ARSB: variants seen among roughly 807,000 people sequenced by gnomAD.
The protein encoded by ARSB is arylsulfatase B.
In ARSB, 41 loss-of-function variants were observed where a neutral mutation model predicts 50.9. That is an observed-to-expected ratio of 0.81 (90% CI 0.63 to 1.04). The LOEUF (loss-of-function observed/expected upper bound fraction) is 1.04, where lower values mean the gene tolerates loss of function less well. Ranked by LOEUF, ARSB falls within the 50% of genes least tolerant of loss-of-function variation. The pLI is 0.00. For synonymous variants in ARSB, 269 were observed against 284.8 expected, an observed-to-expected ratio of 0.94 and a Z score of 0.56; for missense variants, 672 against 693.3, an observed-to-expected ratio of 0.97 and a Z score of 0.35.
chr5:78,916,456 A>C lies in ARSB; in HGVS notation c.899-30629T>G, dbSNP rs1417501341. Among the ~76,000 whole-genome samples the C allele has an allele frequency of 2.0e-5, 3 of 152,226 alleles. No individual in the cohort carries two copies. In the East Asian group the frequency reaches 5.8e-4, roughly 29 times the overall value. On this transcript the variant is annotated intron_variant, in intron 4 of 7. Coordinates refer to ENST00000264914, the MANE Select transcript of ARSB (RefSeq NM_000046.5). Reference sequence around the variant, plus strand: ...ACTAAACTTGCCTGTCTTCCGGGAAAATGCACGTAGAACAAGAGGTCACTG... The same window carrying C: ...ACTAAACTTGCCTGTCTTCCGGGAACATGCACGTAGAACAAGAGGTCACTG...
At chr5:78,835,184 T>G (rs1245766151) in intron 6 of ARSB, among the ~76,000 whole-genome samples, 1 of 152,074 alleles carries the variant, frequency 6.6e-6, no homozygotes, top group Non-Finnish European at 1.5e-5. Context: ...TGCCGATCTT[T>G]GAGTATTTTT....
At chr5:78,832,029 C>T (rs1475094420) in intron 6 of ARSB, among the ~76,000 whole-genome samples, 1 of 151,954 alleles carries the variant, frequency 6.6e-6, no homozygotes, top group Non-Finnish European at 1.5e-5. Flanking sequence ...ATACATAAGA[C>T]ACCGAGAGAA....
At chr5:78,826,698 G>C (rs1186036388) in intron 6 of ARSB, among the ~76,000 whole-genome samples, 1 of 152,058 alleles carries the variant, frequency 6.6e-6, no homozygotes. Context: ...AAGGCATTTA[G>C]GAAAGAAAAC....
chr5:78,860,046 T>C (rs1360804201), intron 5 of ARSB, among the ~76,000 whole-genome samples: 1 of 152,250 alleles, frequency 6.6e-6, no homozygotes, highest in Non-Finnish European at 1.5e-5. Context: ...CTTCCAACTA[T>C]GTTGTCAATT....
intron 6 of ARSB, among the ~76,000 whole-genome samples, chr5:78,839,041 C>T (rs1445162358): frequency 1.3e-5 from 2 of 152,176 alleles, no homozygotes; most frequent in East Asian, 1.9e-4. Context: ...ATGACATCTA[C>T]AGTGAGAAGG....
chr5:78,975,904 A>G (rs539072162), intron 1 of ARSB, among the ~76,000 whole-genome samples: 1 of 152,352 alleles, frequency 6.6e-6, no homozygotes, highest in South Asian at 2.1e-4. Context: ...ATGTATTAGG[A>G]ATAACAAAGG....
Position 78,939,486 on chromosome 5 carries a change from T to C in ARSB, c.898+15809A>G, listed in dbSNP as rs369751845. On this transcript the variant is annotated intron_variant, in intron 4 of 7. Coordinates refer to ENST00000264914, the MANE Select transcript of ARSB (RefSeq NM_000046.5). Reference sequence around the variant, plus strand: ...TGTGATGTTTCCCTTCCTGTGTCCATGTTTTCTCATTGTTCAATTCCCACC... The same window carrying C: ...TGTGATGTTTCCCTTCCTGTGTCCACGTTTTCTCATTGTTCAATTCCCACC... 5.3e-4 allele frequency among the ~76,000 whole-genome samples: 80 copies of C among 152,146 alleles called. No homozygotes were observed. In the Middle Eastern group the frequency reaches 0.014, roughly 26 times the overall value.
chr5:78,929,998 C>T (rs775882096), intron 4 of ARSB, among the ~76,000 whole-genome samples: 1 of 152,134 alleles, frequency 6.6e-6, no homozygotes, highest in Non-Finnish European at 1.5e-5. Context: ...CCACCATAGA[C>T]ACCAACCGGT....
intron 5 of ARSB, among the ~76,000 whole-genome samples, chr5:78,873,737 C>G (rs899330724): frequency 2.4e-4 from 37 of 151,666 alleles, no homozygotes; most frequent in Non-Finnish European, 2.9e-4. Flanking sequence ...CCTTGTGATC[C>G]GCCCGCCTCG....
intron 4 of ARSB, among the ~76,000 whole-genome samples, chr5:78,934,984 A>G (rs1750514362): frequency 6.6e-6 from 1 of 152,144 alleles, no homozygotes; most frequent in Admixed American, 6.5e-5. Flanking sequence ...ACTTTAAACA[A>G]AATGACCTTT....
chr5:78,894,797 A>G (rs1748487515), intron 4 of ARSB, among the ~76,000 whole-genome samples: 1 of 152,206 alleles, frequency 6.6e-6, no homozygotes, highest in African/African-American at 2.4e-5. Context: ...AAACTCTGTG[A>G]GCCCCCAGAG....
chr5:78,828,263 A>T (rs1420184387), intron 6 of ARSB, among the ~76,000 whole-genome samples: 1 of 150,392 alleles, frequency 6.6e-6, no homozygotes, highest in Admixed American at 6.6e-5. Flanking sequence ...CTGTATTTTT[A>T]AAAATTTCTT....
At chr5:78,822,779 A>G (rs10045716) in intron 6 of ARSB, among the ~76,000 whole-genome samples, 61,754 of 151,868 alleles carry the variant, frequency 0.41, 13,197 homozygotes, top group African/African-American at 0.53. Flanking sequence ...CTGGGACTAC[A>G]GATGTGTGCC....
chr5:78,862,500 A>C (rs1746494308), intron 5 of ARSB, among the ~76,000 whole-genome samples: 1 of 152,240 alleles, frequency 6.6e-6, no homozygotes, highest in South Asian at 2.1e-4. Context: ...AGAAATAAGG[A>C]AAGTATTCCC....
intron 4 of ARSB, among the ~76,000 whole-genome samples, chr5:78,912,935 A>T (rs1246774434): frequency 6.6e-6 from 1 of 152,200 alleles, no homozygotes; most frequent in Non-Finnish European, 1.5e-5. Flanking sequence ...CATTTTGATC[A>T]CTTAAAAGCT....
chr5:78,983,024 A>T (rs1251921221), intron 1 of ARSB, among the ~76,000 whole-genome samples: 7 of 152,096 alleles, frequency 4.6e-5, no homozygotes, highest in Admixed American at 4.6e-4. Flanking sequence ...ATGTTAGGGG[A>T]CAAAAGCAAC....
At chr5:78,803,517 G>A (rs1355204528) in intron 6 of ARSB, among the ~76,000 whole-genome samples, 2 of 152,178 alleles carry the variant, frequency 1.3e-5, no homozygotes, top group African/African-American at 2.4e-5. Context: ...GCTGCTTTCC[G>A]ACTGCCAAAG....
intron 5 of ARSB, among the ~76,000 whole-genome samples, chr5:78,849,609 T>C (rs905297211): frequency 7.2e-5 from 11 of 151,906 alleles, no homozygotes; most frequent in Non-Finnish European, 1.6e-4. Flanking sequence ...AAGTCATTGG[T>C]AGCTTGATGG....
At chr5:78,895,219 A>C (rs1000513548) in intron 4 of ARSB, among the ~76,000 whole-genome samples, 1 of 152,218 alleles carries the variant, frequency 6.6e-6, no homozygotes, top group African/African-American at 2.4e-5. Flanking sequence ...GCAAGTCAGG[A>C]AGATGCATAC....
Sources: allele counts gnomAD v4.1 joint callset (sites outside exome capture counted in the v4.1 genomes callset), GRCh38; gene constraint gnomAD v4.1.1; transcripts MANE v1.5; gene names NCBI Gene and HGNC (gene_info 2026-07-23, HGNC 2026-07-21).